Variants in TF observed in about 807,000 individuals in gnomAD.
The protein encoded by TF is serotransferrin.
TF carries 55 observed loss-of-function variants against 82.4 expected under a neutral mutation model. The observed-to-expected ratio is 0.67, with a 90% CI of 0.54 to 0.84. TF has a LOEUF of 0.84. Ranked by LOEUF, TF falls within the 40% of genes least tolerant of loss-of-function variation. The pLI, the probability that TF is intolerant of heterozygous loss-of-function variation, is 0.00. For synonymous variants in TF, 332 were observed against 332.6 expected, an observed-to-expected ratio of 1.00 and a Z score of 0.02; for missense variants, 737 against 868.4, an observed-to-expected ratio of 0.85 and a Z score of 1.90.
At chr3:133,740,946 C>T in the TF span, among the ~76,000 whole-genome samples, 14 of 115,772 alleles carry the variant, frequency 1.2e-4, no homozygotes, top group South Asian at 4.3e-3. Flanking sequence ...TATAGAAATA[C>T]AATTGACTTT....
chr3:133,715,630 T>G, the TF span, among the ~76,000 whole-genome samples: 2 of 152,188 alleles, frequency 1.3e-5, no homozygotes, highest in East Asian at 3.8e-4. Context: ...CTTGAAAGAG[T>G]TAAATATCTT....
chr3:133,698,431 T>C, the TF span, among the ~76,000 whole-genome samples: 1 of 152,212 alleles, frequency 6.6e-6, no homozygotes, highest in South Asian at 2.1e-4. Context: ...CTGGTACCTC[T>C]GGAGGCTAGA....
rs1283572638 is a variant in TF at position 133,779,960 on chromosome 3, A to T, written c.*1340A>T. 1 of 152,214 alleles carries T rather than the reference A, an allele frequency of 6.6e-6. No individual in the cohort carries two copies. Among genetic ancestry groups the T allele is most frequent in the African/African-American group, 2.4e-5 (1 of 41,454 alleles). 9.4% of individuals were successfully genotyped at this position (152,214 alleles called of 1,614,324 possible). A position where few individuals can be genotyped will look rare whatever the true frequency, so the allele number is the denominator to read the frequency against. On this transcript the variant is annotated 3_prime_UTR_variant, in exon 17 of 17. Coordinates refer to ENST00000402696, the MANE Select transcript of TF (RefSeq NM_001063.4). ...ATTTCAGTTCGCCATTTTCCCTCAC[A>T]CTACATCCAGCGTCACCAAGTTCTG...
chr3:133,699,778 C>T, the TF span: 55 of 367,368 alleles, frequency 1.5e-4, no homozygotes, highest in South Asian at 1.1e-3. Flanking sequence ...ACTGACAAGC[C>T]GCTCAGTCTA....
chr3:133,744,503 A>G (rs544600731), upstream of TF, among the ~76,000 whole-genome samples: 1 of 152,272 alleles, frequency 6.6e-6, no homozygotes, highest in South Asian at 2.1e-4. Flanking sequence ...CCTTACCTCA[A>G]GGTCTCCAAA....
the TF span, chr3:133,699,565 T>C: frequency 2.9e-6 from 2 of 694,436 alleles, no homozygotes; most frequent in African/African-American, 1.8e-5. Context: ...CATACTGTCA[T>C]GGCCTGAAGT....
rs1472738190 is a variant in TF at position 133,791,128 on chromosome 3, A to G, written c.*12508A>G. 2 of 152,128 alleles carry G rather than the reference A, an allele frequency of 1.3e-5. No homozygotes were observed. Among genetic ancestry groups the G allele is most frequent in the African/African-American group, 4.8e-5 (2 of 41,426 alleles). 9.4% of individuals were successfully genotyped at this position (152,128 alleles called of 1,614,324 possible). On this transcript the variant is annotated 3_prime_UTR_variant, in exon 17 of 17. Transcript: ENST00000402696. ...ATTTTGTTCCCTATGCATTTCTAGC[A>G]AGTCATCATTTGTTCCATTTATCTG... is the stretch of plus-strand genomic sequence containing the variant.
At chr3:133,701,587 A>G in the TF span, among the ~76,000 whole-genome samples, 3 of 151,934 alleles carry the variant, frequency 2.0e-5, no homozygotes, top group African/African-American at 7.3e-5. Context: ...CCAGAACAGA[A>G]CTCGTGACTG....
Position 133,759,348 on chromosome 3 carries a change from C to T in TF, c.1203+19C>T, listed in dbSNP as rs371979558. ...GATCATGGTATGTCACTCCAGCCTT[C>T]CTAGGGCAGCGTCCCTGTCATTGCT... On this transcript the variant is annotated intron_variant, in intron 9 of 16. Transcript: ENST00000402696. The T allele has an allele frequency of 4.7e-5, 76 of 1,612,668 alleles. No individual in the cohort carries two copies. The Middle Eastern group carries it at 9.9e-4, about 21-fold the overall frequency.
chr3:133,768,403 C>T (rs763774891), intron 13 of TF, among the ~76,000 whole-genome samples: 18 of 152,162 alleles, frequency 1.2e-4, no homozygotes, highest in African/African-American at 1.7e-4. Flanking sequence ...CAGTTGTCAA[C>T]GGGTGATTTG....
At chr3:133,745,349 C>G (rs547050879), upstream of TF, among the ~76,000 whole-genome samples, 3 of 152,276 alleles carry the variant, frequency 2.0e-5, no homozygotes, top group South Asian at 6.2e-4. Flanking sequence ...TGACCTTTCC[C>G]CAAGTATATT....
chr3:133,754,766 G>C, intron 4 of TF, 95 bp downstream of exon 4: 2 of 1,362,460 alleles, frequency 1.5e-6, no homozygotes, highest in Non-Finnish European at 2.1e-6. Flanking sequence ...GCAGACATGT[G>C]GGATGAACTC....
Position 133,796,387 on chromosome 3 carries a change from G to A in TF, c.*17767G>A, listed in dbSNP as rs1445609198. On this transcript the variant is annotated 3_prime_UTR_variant, in exon 17 of 17. Coordinates refer to ENST00000402696, the MANE Select transcript of TF (RefSeq NM_001063.4). Reference sequence around the variant, plus strand: ...GAGGGAAATGAGGCAGAAGAATAGGGTCTGTAGGCAAGGAATATAAGGCAG... The same window carrying A: ...GAGGGAAATGAGGCAGAAGAATAGGATCTGTAGGCAAGGAATATAAGGCAG... 1 of 152,220 alleles carries A rather than the reference G, an allele frequency of 6.6e-6. No individual in the cohort carries two copies. Among genetic ancestry groups the A allele is most frequent in the Non-Finnish European group, 1.5e-5 (1 of 68,078 alleles). 9.4% of individuals were successfully genotyped at this position (152,220 alleles called of 1,614,324 possible).
At chr3:133,721,943 G>A in the TF span, among the ~76,000 whole-genome samples, 9 of 152,016 alleles carry the variant, frequency 5.9e-5, no homozygotes, top group African/African-American at 2.2e-4. Flanking sequence ...GCAGTGATAC[G>A]AACTTGGCTC....
chr3:133,767,858 A>G (rs1469796921), intron 12 of TF, among the ~76,000 whole-genome samples, 171 bp from the exon 13 acceptor site: 1 of 152,188 alleles, frequency 6.6e-6, no homozygotes, highest in Non-Finnish European at 1.5e-5. Context: ...CAATCTCAAT[A>G]GGTTCCCCTT....
At chr3:133,671,322 T>C in the TF span, among the ~76,000 whole-genome samples, 1 of 152,044 alleles carries the variant, frequency 6.6e-6, no homozygotes, top group Admixed American at 6.6e-5. Flanking sequence ...AAACCATGAG[T>C]TGAATAAGAA....
chr3:133,787,819 T>C lies in TF; in HGVS notation c.*9199T>C, dbSNP rs1179568876. ...TGAGTCCTAATTTTAAAATATCCAC[T>C]CTCTAGATACTAAAGAGGTTGCCAA... On this transcript the variant is annotated 3_prime_UTR_variant, in exon 17 of 17. Transcript: ENST00000402696. The C allele has an allele frequency of 6.6e-6, 1 of 152,256 alleles. No individual in the cohort carries two copies. The highest frequency in any genetic ancestry group is 2.4e-5 in the African/African-American group (1 of 41,468). The allele number at this position is 152,256 out of a possible 1,614,324, so 9.4% of individuals were successfully genotyped here.
the TF span, among the ~76,000 whole-genome samples, chr3:133,679,569 C>T: frequency 9.4e-4 from 71 of 75,336 alleles, no homozygotes; most frequent in South Asian, 2.7e-3. Context: ...CTTTGTTTGG[C>T]TTTTTTTTTT....
At chr3:133,699,536 T>C in the TF span, 25 of 947,562 alleles carry the variant, frequency 2.6e-5, no homozygotes, top group Non-Finnish European at 3.9e-5. Context: ...AGGACTGCCA[T>C]TTGGCCTGGG....
Sources: gnomAD v4.1 joint callset for allele counts (sites outside exome capture counted in the v4.1 genomes callset) on GRCh38, gnomAD v4.1.1 for gene constraint, MANE v1.5 for transcripts, NCBI Gene and HGNC (gene_info 2026-07-23, HGNC 2026-07-21) for gene names.